Variants in GSE1 observed in about 807,000 individuals in gnomAD.
GSE1 encodes Gse1 coiled-coil protein.
GSE1 carries 32 observed loss-of-function variants against 112.6 expected under a neutral mutation model. The observed-to-expected ratio is 0.28, with a 90% CI of 0.21 to 0.38. GSE1 has a LOEUF of 0.38. Ranked by LOEUF, GSE1 falls within the 10% of genes least tolerant of loss-of-function variation. The probability of loss-of-function intolerance (pLI) is 1.00; values close to 1 mark genes in which losing one functional copy is unlikely to be tolerated. For synonymous variants in GSE1, 1,115 were observed against 735.6 expected (o/e 1.52, Z -8.35); for missense variants, 2,348 against 1,699.2 (o/e 1.38, Z -6.71).
chr16:85,306,891 G>T (rs756225758), intron 1 of GSE1, among the ~76,000 whole-genome samples: 1 of 152,238 alleles, frequency 6.6e-6, no homozygotes, highest in Non-Finnish European at 1.5e-5. Context: ...CATAAAAGGC[G>T]GGAGCATACA....
intron 2 of GSE1, among the ~76,000 whole-genome samples, chr16:85,437,367 C>CTCT (rs2049273376): frequency 6.6e-6 from 1 of 152,106 alleles, no homozygotes; most frequent in African/African-American, 2.4e-5. Context: ...GCTTTTTTCC[C>CTCT]TCTTCTCATT....
At chr16:85,475,776 CTTTTTTTTTT>C (rs57562071) in intron 2 of GSE1, among the ~76,000 whole-genome samples, 2 of 145,874 alleles carry the variant, frequency 1.4e-5, no homozygotes, top group Admixed American at 6.8e-5. Context: ...AATTGTTTTT[CTTTTTTTTTT>C]TTTTTTTTTT....
rs541578671 is a variant in GSE1, at chr16:85,467,202, A to G, written c.2464+109559A>G. 1.1e-4 allele frequency among the ~76,000 whole-genome samples: 17 copies of G among 152,238 alleles called. No individual in the cohort carries two copies. The South Asian group carries it at 2.1e-3, about 19-fold the overall frequency. ...CTTCACCCTTGCCTGACTGAACCAT[A>G]AGGAGCGAGGGGCCGGAGCGAGCCA... On this transcript the variant is annotated intron_variant, in intron 2 of 2. Transcript: ENST00000637419.
chr16:85,507,108 C>T (rs1597994253), intron 2 of GSE1, among the ~76,000 whole-genome samples: 1 of 152,170 alleles, frequency 6.6e-6, no homozygotes, highest in East Asian at 1.9e-4. Flanking sequence ...GGCTGTGTGG[C>T]TGAGAAGATC....
Position 85,655,005 on chromosome 16 carries a change from C to A in GSE1, c.797+14C>A, listed in dbSNP as rs1290446848. ...CCCGGCCTTCAGGTGAGGCATCCCC[C>A]ACGCGCCCTCTCGTCTAGGTGCTGG... is the stretch of plus-strand genomic sequence containing the variant. On this transcript the variant is annotated intron_variant, in intron 5 of 15. Coordinates refer to ENST00000253458, the MANE Select transcript of GSE1 (RefSeq NM_014615.5). 1 of 1,508,140 alleles carries A rather than the reference C, an allele frequency of 6.6e-7. No individual in the cohort carries two copies. Among genetic ancestry groups the A allele is most frequent in the East Asian group, 2.3e-5 (1 of 43,654 alleles). 93.4% of individuals were successfully genotyped at this position (1,508,140 alleles called of 1,614,324 possible).
intron 2 of GSE1, among the ~76,000 whole-genome samples, chr16:85,478,192 C>T (rs1156267699): frequency 6.6e-6 from 1 of 152,100 alleles, no homozygotes; most frequent in African/African-American, 2.4e-5. Flanking sequence ...CGTGCAGCAG[C>T]GTGCGTCAGT....
chr16:85,403,525 C>A (rs1236093122), intron 2 of GSE1, among the ~76,000 whole-genome samples: 1 of 152,146 alleles, frequency 6.6e-6, no homozygotes, highest in East Asian at 1.9e-4. Flanking sequence ...CACAGTGGCT[C>A]ACACCTGAAA....
At chr16:85,609,325 C>T (rs2047858502), upstream of GSE1, among the ~76,000 whole-genome samples, 4 of 152,248 alleles carry the variant, frequency 2.6e-5, no homozygotes, top group Admixed American at 2.6e-4. Context: ...CCTCAGACTC[C>T]TGGGCCCAAA....
intron 1 of GSE1, among the ~76,000 whole-genome samples, chr16:85,626,015 AC>A (rs1015017174): frequency 6.6e-6 from 1 of 151,934 alleles, no homozygotes; most frequent in Non-Finnish European, 1.5e-5. Context: ...GATCCTGGCC[AC>A]CTGCAAGGGC....
At chr16:85,486,246 C>A (rs750896388) in intron 2 of GSE1, among the ~76,000 whole-genome samples, 6 of 152,228 alleles carry the variant, frequency 3.9e-5, no homozygotes, top group Non-Finnish European at 7.3e-5. Context: ...CACTCACACA[C>A]TCATTCACAT....
At position 85,469,339 on chromosome 16, in the gene GSE1, C is replaced by T. The variant is rs139788699; in HGVS notation, c.2464+111696C>T. ...GGAGAAAACACAGACACAGGGGCGG[C>T]CACGTGAAGATGGAGGCAGAGATGG... On this transcript the variant is annotated intron_variant, in intron 2 of 2. Coordinates refer to the GSE1 transcript ENST00000637419. Among the ~76,000 whole-genome samples the T allele has an allele frequency of 4.9e-3, 738 of 152,084 alleles. 7 individuals are homozygous for T. The highest frequency in any genetic ancestry group is 0.017 in the African/African-American group (708 of 41,510).
At chr16:85,562,176 ACT>A (rs1393211896) in intron 1 of GSE1, among the ~76,000 whole-genome samples, 2 of 150,674 alleles carry the variant, frequency 1.3e-5, no homozygotes, top group Non-Finnish European at 2.9e-5. Context: ...CAGCTCAGAA[ACT>A]CAGCGGGGAC....
intron 1 of GSE1, among the ~76,000 whole-genome samples, chr16:85,175,121 T>A (rs918771810): frequency 6.6e-6 from 1 of 152,070 alleles, no homozygotes; most frequent in African/African-American, 2.4e-5. Context: ...AGAGGAAACA[T>A]GAGAAAAATA....
intron 1 of GSE1, among the ~76,000 whole-genome samples, chr16:85,339,603 C>T (rs954733889): frequency 6.9e-5 from 7 of 102,068 alleles, no homozygotes; most frequent in Admixed American, 4.0e-4. Context: ...GATTTCTTTC[C>T]GTGGATGTGC....
At chr16:85,238,550 T>A (rs765978358) in intron 1 of GSE1, among the ~76,000 whole-genome samples, 5 of 152,134 alleles carry the variant, frequency 3.3e-5, no homozygotes, top group Non-Finnish European at 7.4e-5. Flanking sequence ...TCTGCTTGTC[T>A]TGGCTGCCTC....
intron 1 of GSE1, among the ~76,000 whole-genome samples, chr16:85,349,348 C>T (rs1389110312): frequency 6.6e-6 from 1 of 152,172 alleles, no homozygotes; most frequent in Non-Finnish European, 1.5e-5. Flanking sequence ...GCTTGCAGCA[C>T]AGAACAAGAA....
At chr16:85,442,274 C>T (rs2049393741) in intron 2 of GSE1, among the ~76,000 whole-genome samples, 2 of 152,134 alleles carry the variant, frequency 1.3e-5, no homozygotes, top group African/African-American at 4.8e-5. Flanking sequence ...TGTTATGGGG[C>T]CCCCAGTTGC....
chr16:85,363,159 G>T (rs776213687), intron 2 of GSE1, among the ~76,000 whole-genome samples: 2 of 152,158 alleles, frequency 1.3e-5, no homozygotes, highest in Non-Finnish European at 2.9e-5. Flanking sequence ...AATACAGATA[G>T]CAGATGCCAC....
chr16:85,503,570 G>A (rs528866361), intron 2 of GSE1, among the ~76,000 whole-genome samples: 12 of 152,202 alleles, frequency 7.9e-5, no homozygotes, highest in Admixed American at 2.6e-4. Context: ...TCTGATTGCC[G>A]CAGTCCAATT....
Sources: gnomAD v4.1 joint callset for allele counts (sites outside exome capture counted in the v4.1 genomes callset) on GRCh38, gnomAD v4.1.1 for gene constraint, MANE v1.5 for transcripts, NCBI Gene and HGNC (gene_info 2026-07-23, HGNC 2026-07-21) for gene names.